The following HHAT variants were observed in gnomAD, a reference collection of about 807,000 sequenced individuals.
The protein encoded by HHAT is hedgehog acyltransferase, also known as protein-cysteine N-palmitoyltransferase HHAT.
HHAT carries 47 observed loss-of-function variants against 70.8 expected under a neutral mutation model. The observed-to-expected ratio is 0.66, with a 90% CI of 0.53 to 0.85. The LOEUF is 0.85. Among genes scored for constraint, HHAT ranks in the 40% least tolerant of loss-of-function variants. The pLI is 0.00. For synonymous variants in HHAT, 228 were observed against 247.6 expected (o/e 0.92, Z 0.74); for missense variants, 609 against 604.8 (o/e 1.01, Z -0.07).
At position 210,581,610 on chromosome 1, in the gene HHAT, G is replaced by A. The variant is rs1322190037; in HGVS notation, c.1044-6288G>A. On this transcript the variant is annotated intron_variant, in intron 9 of 11. Coordinates refer to ENST00000261458, the MANE Select transcript of HHAT (RefSeq NM_018194.6). ...TTTACTTTGGGTGGTAAATCTCTTA[G>A]GGTTGGAGTAGTTCCAGAGGTGTGG... 4.6e-5 allele frequency among the ~76,000 whole-genome samples: 7 copies of A among 152,342 alleles called. No homozygotes were observed. In the East Asian group the frequency reaches 1.2e-3, roughly 25 times the overall value.
intron 7 of HHAT, among the ~76,000 whole-genome samples, chr1:210,445,094 T>A (rs1035712285): frequency 6.6e-6 from 1 of 152,200 alleles, no homozygotes; most frequent in Non-Finnish European, 1.5e-5. Context: ...TGACTCGGCC[T>A]CCCAAAGTGC....
chr1:210,506,553 T>C (rs1389013134), intron 8 of HHAT, among the ~76,000 whole-genome samples: 1 of 152,190 alleles, frequency 6.6e-6, no homozygotes, highest in East Asian at 1.9e-4. Flanking sequence ...TTATGTCTCC[T>C]CATGAGGAAA....
chr1:210,558,774 G>A (rs960496201), intron 9 of HHAT, among the ~76,000 whole-genome samples: 5 of 152,218 alleles, frequency 3.3e-5, no homozygotes, highest in African/African-American at 1.2e-4. Context: ...TCAGAATTTT[G>A]CCAGTTATTC....
At chr1:210,431,941 A>C (rs1007428452) in intron 7 of HHAT, among the ~76,000 whole-genome samples, 1 of 151,924 alleles carries the variant, frequency 6.6e-6, no homozygotes, top group Non-Finnish European at 1.5e-5. Context: ...TAATTGTTTT[A>C]TTCGACTCTT....
rs1369497790 is a variant in HHAT at position 210,464,490 on chromosome 1, C to T, written c.857-15C>T. 4 of 1,613,982 alleles carry T rather than the reference C, an allele frequency of 2.5e-6. No homozygotes were observed. Among genetic ancestry groups the T allele is most frequent in the Non-Finnish European group, 3.4e-6 (4 of 1,179,946 alleles). On this transcript the variant is annotated splice_polypyrimidine_tract_variant and intron_variant, in intron 7 of 11. Transcript: ENST00000261458. ...ATTCTCTTCCATGTGTCTGACTGGT[C>T]TGTTTGCCTTTCAGGAGGACTGGCG...
In HHAT at chr1:210,390,489, T is replaced by C. The variant is rs1312182803; in HGVS notation, c.273+2908T>C. ...GTGATCATAAACATAAAGATAGGTC[T>C]ATTATTGTAGGGAGAGATTTTTTTT... On this transcript the variant is annotated intron_variant, in intron 4 of 11. Transcript: ENST00000261458. Among the ~76,000 whole-genome samples the C allele has an allele frequency of 3.7e-5, 5 of 135,306 alleles. No homozygotes were observed. In the East Asian group the frequency reaches 1.0e-3, roughly 28 times the overall value. 88.8% of individuals were successfully genotyped at this position (135,306 alleles called of 152,430 possible).
Position 210,345,372 on chromosome 1 carries a change from C to T in HHAT, c.-43-3561C>T, listed in dbSNP as rs773624146. 3.3e-5 allele frequency among the ~76,000 whole-genome samples: 5 copies of T among 152,256 alleles called. No individual in the cohort carries two copies. In the East Asian group the frequency reaches 7.7e-4, roughly 23 times the overall value. On this transcript the variant is annotated intron_variant, in intron 1 of 11. Transcript: ENST00000261458. The stretch of plus-strand genomic sequence containing the variant: ...TGACAAAAAAAATGTAGTATGAAAG[C>T]GCTCAGTGAGCCCACCCTAATTGTA...
At chr1:210,420,950 A>G (rs2092883963) in intron 7 of HHAT, among the ~76,000 whole-genome samples, 1 of 152,194 alleles carries the variant, frequency 6.6e-6, no homozygotes, top group South Asian at 2.1e-4. Context: ...TGGGCAGTAT[A>G]TTTGTTCAGA....
chr1:210,450,064 T>G (rs2093718467), intron 7 of HHAT, among the ~76,000 whole-genome samples: 2 of 151,998 alleles, frequency 1.3e-5, no homozygotes, highest in South Asian at 4.2e-4. Flanking sequence ...GAGGCCGAGG[T>G]GGTTGGATCA....
At chr1:210,509,176 C>T (rs1377714565) in intron 8 of HHAT, among the ~76,000 whole-genome samples, 1 of 152,172 alleles carries the variant, frequency 6.6e-6, no homozygotes, top group Non-Finnish European at 1.5e-5. Context: ...ATGCTGGGGA[C>T]CAGAAATCAG....
chr1:210,537,096 AC>A (rs2095380971), intron 9 of HHAT, among the ~76,000 whole-genome samples: 1 of 152,054 alleles, frequency 6.6e-6, no homozygotes, highest in South Asian at 2.1e-4. Flanking sequence ...ATACATCCTC[AC>A]CCAACTGCCA....
chr1:210,435,237 G>A (rs1234767685), intron 7 of HHAT, among the ~76,000 whole-genome samples: 2 of 151,650 alleles, frequency 1.3e-5, no homozygotes, highest in Non-Finnish European at 2.9e-5. Context: ...TTATCTTTTT[G>A]TGCTTGGCTT....
chr1:210,392,049 T>G lies in HHAT; in HGVS notation c.273+4468T>G, dbSNP rs554133199. On this transcript the variant is annotated intron_variant, in intron 4 of 11. Coordinates refer to ENST00000261458, the MANE Select transcript of HHAT (RefSeq NM_018194.6). ...CACCTGGCTAATTTTAAAAACTTTT[T>G]GTAGAGACGAGATCTTGCTGTATTG... Among the ~76,000 whole-genome samples the G allele has an allele frequency of 7.2e-5, 11 of 152,274 alleles. No individual in the cohort carries two copies. In the East Asian group the frequency reaches 2.1e-3, roughly 29 times the overall value.
At chr1:210,661,642 G>A (rs993396028) in intron 11 of HHAT, among the ~76,000 whole-genome samples, 4 of 152,160 alleles carry the variant, frequency 2.6e-5, no homozygotes, top group East Asian at 3.8e-4. Context: ...CAAAAACTTG[G>A]AACCAACCCA....
chr1:210,584,540 C>A (rs1660003473), intron 9 of HHAT, among the ~76,000 whole-genome samples: 1 of 152,138 alleles, frequency 6.6e-6, no homozygotes, highest in Non-Finnish European at 1.5e-5. Context: ...AATGACCAAG[C>A]AGCCTCTGGG....
At chr1:210,519,603 C>A (rs1366216672) in intron 9 of HHAT, among the ~76,000 whole-genome samples, 2 of 149,426 alleles carry the variant, frequency 1.3e-5, no homozygotes, top group African/African-American at 4.9e-5. Flanking sequence ...TCATGGCTCA[C>A]TGCAGCCTCA....
At chr1:210,507,363 T>TC (rs1485073387) in intron 8 of HHAT, among the ~76,000 whole-genome samples, 1 of 147,438 alleles carries the variant, frequency 6.8e-6, no homozygotes, top group Non-Finnish European at 1.5e-5. Flanking sequence ...TTTTTTCTTT[T>TC]TTTTTTTTTT....
rs2092781485 is a variant in HHAT, at chr1:210,418,175, T to A, written c.706T>A (p.Ser236Thr). 6.2e-7 allele frequency: 1 copy of A among 1,614,138 alleles called. No individual in the cohort carries two copies. ...IKQMQQQEHD[S>T]LKASLCVLAL... Reference sequence around the variant, plus strand: ...TTAGATGCAGCAGCAGGAGCATGACTCCCTGAAGGCCAGCCTGTGTGTCCT... The same window carrying A: ...TTAGATGCAGCAGCAGGAGCATGACACCCTGAAGGCCAGCCTGTGTGTCCT... Residue 236 changes from serine (S) to threonine (T), a missense_variant, in exon 7 of 12, where the codon TCC (serine) becomes ACC (threonine). Ser to Thr is a moderately conservative substitution (Grantham distance 58). Transcript: ENST00000261458.
In HHAT at chr1:210,349,143, CAAG is replaced by C. The variant is rs1641694051; in HGVS notation, c.91+82_91+84del. The stretch of plus-strand genomic sequence containing the variant: ...AAAAAAGGAGCAGAGGTGGAAGATT[CAAG>C]AAGATGATCCAATAGTGTCAAGATG... On this transcript the variant is annotated intron_variant, in intron 2 of 11. Coordinates refer to ENST00000261458, the MANE Select transcript of HHAT (RefSeq NM_018194.6). 1.6e-5 allele frequency: 23 copies of C among 1,447,698 alleles called. No individual in the cohort carries two copies. The South Asian group carries it at 2.7e-4, about 17-fold the overall frequency. The allele number at this position is 1,447,698 out of a possible 1,614,324, so 89.7% of individuals were successfully genotyped here.
Sources: allele counts gnomAD v4.1 joint callset (sites outside exome capture counted in the v4.1 genomes callset), GRCh38; gene constraint gnomAD v4.1.1; transcripts MANE v1.5; gene names NCBI Gene and HGNC (gene_info 2026-07-23, HGNC 2026-07-21).